PRKAA2: variants seen among roughly 807,000 people sequenced by gnomAD.
PRKAA2 encodes 5'-AMP-activated protein kinase catalytic subunit alpha-2.
In PRKAA2, 40 loss-of-function variants were observed where a neutral mutation model predicts 56.3. The ratio of observed to expected loss-of-function variants is 0.71; its 90% CI spans 0.55 to 0.92. The LOEUF (loss-of-function observed/expected upper bound fraction) is 0.92. PRKAA2 is among the 40% of genes least tolerant of loss of function. PRKAA2 has a pLI of 0.00. For missense variants in PRKAA2, 542 were observed against 686.9 expected (o/e 0.79, Z 2.36); for synonymous variants, 214 against 234.2 (o/e 0.91, Z 0.79).
chr1:56,698,480 A>T (rs1644273605), intron 6 of PRKAA2, among the ~76,000 whole-genome samples: 1 of 152,216 alleles, frequency 6.6e-6, no homozygotes. Context: ...TCATAGCAAA[A>T]TGCACAAGGT....
chr1:56,655,738 T>C (rs910625805), intron 1 of PRKAA2, among the ~76,000 whole-genome samples: 2 of 152,112 alleles, frequency 1.3e-5, no homozygotes, highest in African/African-American at 4.8e-5. Flanking sequence ...GTTTGAGTCT[T>C]GTGAGGCAAC....
chr1:56,647,933 G>A (rs1646656838), intron 1 of PRKAA2, among the ~76,000 whole-genome samples: 1 of 151,630 alleles, frequency 6.6e-6, no homozygotes, highest in Non-Finnish European at 1.5e-5. Flanking sequence ...AGGAGTCTGA[G>A]GCAGGAGAAT....
At chr1:56,673,806 T>C (rs1644094334) in intron 1 of PRKAA2, among the ~76,000 whole-genome samples, 1 of 152,202 alleles carries the variant, frequency 6.6e-6, no homozygotes, top group Admixed American at 6.5e-5. Context: ...TATAAAAGAT[T>C]AAAAATGGTA....
chr1:56,658,414 A>G (rs951727965), intron 1 of PRKAA2, among the ~76,000 whole-genome samples: 3 of 152,304 alleles, frequency 2.0e-5, no homozygotes, highest in African/African-American at 7.2e-5. Context: ...CCAGAGTTGG[A>G]AAGACATTAA....
At chr1:56,646,882 G>A (rs753916880) in intron 1 of PRKAA2, among the ~76,000 whole-genome samples, 4 of 152,150 alleles carry the variant, frequency 2.6e-5, no homozygotes, top group Admixed American at 6.5e-5. Context: ...CACTGTTCTA[G>A]GCAATGAGGA....
intron 7 of PRKAA2, 62 bp from the exon 8 acceptor site, chr1:56,706,030 T>G (rs1175531583): frequency 2.1e-6 from 3 of 1,436,858 alleles, no homozygotes; most frequent in Non-Finnish European, 2.8e-6. Context: ...TTGTTTTGAC[T>G]TTTTTTGCAT....
At chr1:56,664,363 G>A (rs577109375) in intron 1 of PRKAA2, among the ~76,000 whole-genome samples, 9 of 152,114 alleles carry the variant, frequency 5.9e-5, no homozygotes, top group Admixed American at 2.0e-4. Flanking sequence ...ACATGTAATA[G>A]TTTATTTTGG....
rs905612147 is a variant in PRKAA2, at chr1:56,710,441, T to C, written c.*2728T>C. 1 of 152,252 alleles carries C rather than the reference T, an allele frequency of 6.6e-6. No homozygotes were observed. The highest frequency in any genetic ancestry group is 2.4e-5 in the African/African-American group (1 of 41,578). The allele number at this position is 152,252 out of a possible 1,614,324, so 9.4% of individuals were successfully genotyped here. A position where few individuals can be genotyped will look rare whatever the true frequency, so the allele number is the denominator to read the frequency against. ...AAAGCCACATAACTTTGTTGAACTT[T>C]GCCCAAATTAATTTTTCATTTTAAA... On this transcript the variant is annotated 3_prime_UTR_variant, in exon 9 of 9. Coordinates refer to ENST00000371244, the MANE Select transcript of PRKAA2 (RefSeq NM_006252.4).
intron 2 of PRKAA2, among the ~76,000 whole-genome samples, chr1:56,681,541 T>A (rs1355868113): frequency 6.6e-6 from 1 of 152,214 alleles, no homozygotes; most frequent in Non-Finnish European, 1.5e-5. Context: ...GTATAAGGTG[T>A]AAGGAAGGGG....
intron 1 of PRKAA2, among the ~76,000 whole-genome samples, chr1:56,664,855 T>TACACACACACACACACACACACACACAC (rs67041631): frequency 9.3e-5 from 13 of 139,834 alleles, no homozygotes; most frequent in African/African-American, 3.5e-4. Flanking sequence ...AGTATATGTG[T>TACACACACACACACACACACACACACAC]ACACACACAC....
At position 56,704,427 on chromosome 1, in the gene PRKAA2, T is replaced by C; in HGVS notation, c.1245T>C (p.Ile415=). 6.2e-7 allele frequency: 1 copy of C among 1,612,080 alleles called. No homozygotes were observed. Among genetic ancestry groups the C allele is most frequent in the Non-Finnish European group, 8.5e-7 (1 of 1,179,506 alleles). Residue 415 remains isoleucine (I), a synonymous_variant, in exon 7 of 9, where the codon ATT becomes ATC. Transcript: ENST00000371244. ...GIRSQSKPYD[I]MAEVYRAMKQ... is the part of the protein sequence containing the mutation. ...GAAGTCAGAGCAAACCGTATGACAT[T>C]ATGGCTGAAGTTTACCGAGCTATGA... is the stretch of plus-strand genomic sequence containing the variant.
chr1:56,703,927 G>A (rs764521499), intron 6 of PRKAA2, 44 bp from the exon 7 acceptor site: 1 of 1,539,146 alleles, frequency 6.5e-7, no homozygotes, highest in Admixed American at 1.9e-5. Flanking sequence ...ATTTGGACTT[G>A]CCAAACCATG....
chr1:56,700,027 T>G lies in PRKAA2; in HGVS notation c.788+3868T>G, dbSNP rs113409413. Reference sequence around the variant, plus strand: ...ATTGAATTGTTTCTAATTTGTGGCTTTTATGACTACTGTTTCCATGAACAT... The same window carrying G: ...ATTGAATTGTTTCTAATTTGTGGCTGTTATGACTACTGTTTCCATGAACAT... On this transcript the variant is annotated intron_variant, in intron 6 of 8. Transcript: ENST00000371244. Among the ~76,000 whole-genome samples, 513 of 152,342 alleles carry G rather than the reference T, an allele frequency of 3.4e-3. 3 individuals carry two copies. Among genetic ancestry groups the G allele is most frequent in the African/African-American group, 0.012 (486 of 41,582 alleles).
Position 56,674,430 on chromosome 1 carries a change from TAGAC to T in PRKAA2, c.148_151del (p.Gln50ArgfsTer5), listed in dbSNP as rs768700220. The T allele has an allele frequency of 6.3e-5, 100 of 1,584,252 alleles. No individual in the cohort carries two copies. The highest frequency in any genetic ancestry group is 8.2e-5 in the Non-Finnish European group (96 of 1,167,068). On this transcript the variant is annotated frameshift_variant, in exon 2 of 9. Transcript: ENST00000371244. LOFTEE classifies it high-confidence loss of function. ...ATAAAGTGGCAGTTAAAATCTTAAA[TAGAC>T]AGAAGATTCGCAGTTTAGATGTTGT... is the stretch of plus-strand genomic sequence containing the variant.
intron 1 of PRKAA2, 53 bp from the exon 2 acceptor site, chr1:56,674,327 TA>T: frequency 1.4e-6 from 2 of 1,417,766 alleles, no homozygotes; most frequent in African/African-American, 1.5e-5. Flanking sequence ...GAAGCATGAA[TA>T]AATGATTATG....
At chr1:56,680,094 G>T (rs1644142490) in intron 2 of PRKAA2, among the ~76,000 whole-genome samples, 1 of 152,108 alleles carries the variant, frequency 6.6e-6, no homozygotes, top group Non-Finnish European at 1.5e-5. Flanking sequence ...AAGTTTAGGG[G>T]TAGTCAAAAG....
intron 1 of PRKAA2, among the ~76,000 whole-genome samples, chr1:56,657,208 G>T (rs1180229348): frequency 6.6e-6 from 1 of 152,080 alleles, no homozygotes; most frequent in African/African-American, 2.4e-5. Context: ...AAAGCAGCCA[G>T]GGGGTGGGGT....
intron 2 of PRKAA2, among the ~76,000 whole-genome samples, chr1:56,687,828 A>T (rs1187314022): frequency 6.6e-6 from 1 of 151,580 alleles, no homozygotes; most frequent in Non-Finnish European, 1.5e-5. Flanking sequence ...AAAGATTTCT[A>T]TTTTTTTTGA....
In PRKAA2 at chr1:56,712,546, A is replaced by G. The variant is rs1002615069; in HGVS notation, c.*4833A>G. ...AATTTTATGTGATTCTTATAGCACA[A>G]TCATTTTTGAAAAAGGAAAACTAGG... is the stretch of plus-strand genomic sequence containing the variant. On this transcript the variant is annotated 3_prime_UTR_variant, in exon 9 of 9. Coordinates refer to ENST00000371244, the MANE Select transcript of PRKAA2 (RefSeq NM_006252.4). The G allele has an allele frequency of 1.3e-5, 2 of 152,162 alleles. No individual in the cohort carries two copies. The highest frequency in any genetic ancestry group is 1.9e-4 in the East Asian group (1 of 5,184). 9.4% of individuals were successfully genotyped at this position (152,162 alleles called of 1,614,324 possible).
Sources: gnomAD v4.1 joint callset for allele counts (sites outside exome capture counted in the v4.1 genomes callset) on GRCh38, gnomAD v4.1.1 for gene constraint, MANE v1.5 for transcripts, NCBI Gene and HGNC (gene_info 2026-07-23, HGNC 2026-07-21) for gene names.